Variants in SAMD4A observed in about 807,000 individuals in gnomAD.
SAMD4A encodes protein Smaug homolog 1.
In SAMD4A, 33 loss-of-function variants were observed where a neutral mutation model predicts 81.3. The observed-to-expected ratio is 0.41, with a 90% CI of 0.31 to 0.54. The LOEUF is 0.54. SAMD4A is among the 20% of genes least tolerant of loss of function. SAMD4A has a pLI of 0.37. For synonymous variants in SAMD4A, 389 were observed against 382.1 expected (o/e 1.02, Z -0.21); for missense variants, 854 against 951.1 (o/e 0.90, Z 1.34).
chr14:54,692,878 C>CA (rs1555343987), intron 2 of SAMD4A: 42 of 141,982 alleles, frequency 3.0e-4, no homozygotes, highest in African/African-American at 9.8e-4. Flanking sequence ...CACTTAGTGC[C>CA]CCCCCCCGCA....
At chr14:54,701,049 G>C (rs2036703655) in intron 2 of SAMD4A, 1 of 150,192 alleles carries the variant, frequency 6.7e-6, no homozygotes, top group Non-Finnish European at 1.5e-5. Flanking sequence ...CAAGCCCCAG[G>C]GTACAGTGGT....
At chr14:54,719,403 A>C (rs2037205894) in intron 3 of SAMD4A, among the ~76,000 whole-genome samples, 2 of 152,234 alleles carry the variant, frequency 1.3e-5, no homozygotes, top group South Asian at 4.1e-4. Context: ...TTCAAAGTTG[A>C]GTCTGACTTT....
intron 2 of SAMD4A, among the ~76,000 whole-genome samples, chr14:54,602,323 T>TACAC (rs3049830): frequency 0.016 from 2,192 of 136,578 alleles, 26 homozygotes; most frequent in Middle Eastern, 0.026. Context: ...TGCTTTAAAA[T>TACAC]ACACACACAC....
chr14:54,622,207 T>C (rs572323162), intron 2 of SAMD4A, among the ~76,000 whole-genome samples: 22 of 152,210 alleles, frequency 1.4e-4, no homozygotes, highest in Admixed American at 3.9e-4. Context: ...AAATTAATCA[T>C]TTAGAGTTTG....
At chr14:54,690,449 T>C (rs1374219850) in intron 2 of SAMD4A, among the ~76,000 whole-genome samples, 1 of 151,870 alleles carries the variant, frequency 6.6e-6, no homozygotes, top group African/African-American at 2.4e-5. Context: ...TTCTGCCAAA[T>C]AATGTGTTGA....
intron 2 of SAMD4A, chr14:54,693,952 G>C: frequency 6.6e-6 from 1 of 152,476 alleles, no homozygotes; most frequent in East Asian, 1.9e-4. Flanking sequence ...ACAGAGCTGA[G>C]AGAGGCTAAA....
At chr14:54,635,483 C>T (rs1315669620) in intron 2 of SAMD4A, among the ~76,000 whole-genome samples, 1 of 151,798 alleles carries the variant, frequency 6.6e-6, no homozygotes, top group African/African-American at 2.4e-5. Context: ...GGTGCAATCG[C>T]TCACGTCCGT....
At chr14:54,575,461 G>C (rs770736770) in intron 2 of SAMD4A, among the ~76,000 whole-genome samples, 3 of 152,188 alleles carry the variant, frequency 2.0e-5, no homozygotes, top group Non-Finnish European at 2.9e-5. Flanking sequence ...ACAGTTTTCT[G>C]TTGGCTTCAC....
At chr14:54,694,706 C>CT (rs1181138656) in intron 2 of SAMD4A, 30 of 985,310 alleles carry the variant, frequency 3.0e-5, no homozygotes, top group Non-Finnish European at 3.5e-5. Flanking sequence ...AGCCTCAGAC[C>CT]TCCTGACTGG....
At chr14:54,752,058 G>T (rs1352860362) in intron 6 of SAMD4A, among the ~76,000 whole-genome samples, 11 of 152,356 alleles carry the variant, frequency 7.2e-5, no homozygotes, top group Admixed American at 7.2e-4. Flanking sequence ...GCTCTCAAGA[G>T]AATAATTCCA....
chr14:54,579,074 CT>C (rs1209404560), intron 2 of SAMD4A, among the ~76,000 whole-genome samples: 2 of 152,178 alleles, frequency 1.3e-5, no homozygotes, highest in Non-Finnish European at 2.9e-5. Context: ...TATGATATTC[CT>C]TGAATGGTAA....
chr14:54,777,146 C>T (rs1440031415), intron 11 of SAMD4A, among the ~76,000 whole-genome samples: 1 of 152,146 alleles, frequency 6.6e-6, no homozygotes, highest in Non-Finnish European at 1.5e-5. Flanking sequence ...TTGTAGACTC[C>T]ATGAGTAATA....
intron 11 of SAMD4A, among the ~76,000 whole-genome samples, chr14:54,777,276 A>T (rs961345280): frequency 1.3e-5 from 2 of 151,482 alleles, no homozygotes; most frequent in African/African-American, 4.8e-5. Context: ...TGGACAGTAG[A>T]AACGCTCTGT....
rs908233911 is a variant in SAMD4A at position 54,788,935 on chromosome 14, C to T, written c.2148C>T (p.Ser716=). 8 of 1,614,086 alleles carry T rather than the reference C, an allele frequency of 5.0e-6. No homozygotes were observed. The highest frequency in any genetic ancestry group is 2.7e-5 in the African/African-American group (2 of 74,936). Residue 716 remains serine (S), a synonymous_variant, in exon 13 of 13, where the codon TCC becomes TCT. Transcript: ENST00000554335. The part of the protein sequence containing the change: ...HALGDGVDRT[S]TI ...TCCCAGACGGGGTTGACCGGACCTC[C>T]ACCATCTAGAAGCTGAAGACGAGAG...
At chr14:54,763,177 G>A (rs17127921) in intron 7 of SAMD4A, among the ~76,000 whole-genome samples, 1,608 of 150,212 alleles carry the variant, frequency 0.011, 33 homozygotes, top group African/African-American at 0.037. Context: ...TTATACACAC[G>A]CAGGCCTTAT....
In SAMD4A at chr14:54,792,830, T is replaced by A. The variant is rs2039281755; in HGVS notation, c.*3886T>A. On this transcript the variant is annotated 3_prime_UTR_variant, in exon 13 of 13. Transcript: ENST00000554335. ...GGGAGGAATAGGAAGAAAACAGGAA[T>A]GTTAATAATGTCGAACAGAAAACTT... The A allele has an allele frequency of 6.6e-6, 1 of 152,182 alleles. No homozygotes were observed. The highest frequency in any genetic ancestry group is 6.5e-5 in the Admixed American group (1 of 15,284). 9.4% of individuals were successfully genotyped at this position (152,182 alleles called of 1,614,324 possible).
intron 2 of SAMD4A, among the ~76,000 whole-genome samples, chr14:54,611,506 C>A (rs1388304027): frequency 6.6e-6 from 1 of 152,182 alleles, no homozygotes; most frequent in South Asian, 2.1e-4. Context: ...TCCATTGTGG[C>A]CTCTGGAATC....
intron 2 of SAMD4A, among the ~76,000 whole-genome samples, chr14:54,678,568 A>T (rs1310535889): frequency 9.3e-5 from 12 of 129,268 alleles, no homozygotes; most frequent in African/African-American, 2.7e-4. Context: ...TTTTTTTTTG[A>T]GACGGAGTCT....
chr14:54,778,885 G>T (rs1190459973), intron 11 of SAMD4A, among the ~76,000 whole-genome samples: 1 of 152,188 alleles, frequency 6.6e-6, no homozygotes, highest in African/African-American at 2.4e-5. Context: ...TCACTGAAGG[G>T]GAAGGAGGCT....
Sources: allele counts gnomAD v4.1 joint callset (sites outside exome capture counted in the v4.1 genomes callset), GRCh38; gene constraint gnomAD v4.1.1; transcripts MANE v1.5; gene names NCBI Gene and HGNC (gene_info 2026-07-23, HGNC 2026-07-21).